Variants in CYFIP1 observed in about 807,000 individuals in gnomAD.
CYFIP1 encodes cytoplasmic FMR1 interacting protein 1.
CYFIP1 carries 58 observed loss-of-function variants against 163.5 expected under a neutral mutation model. That is an observed-to-expected ratio of 0.35 (90% CI 0.29 to 0.44). The LOEUF is 0.44. Ranked by LOEUF, CYFIP1 falls within the 20% of genes least tolerant of loss-of-function variation. CYFIP1 has a pLI of 1.00. For synonymous variants in CYFIP1, 663 were observed against 660.7 expected (o/e 1.00, Z -0.05); for missense variants, 1,338 against 1,653.8 (o/e 0.81, Z 3.31).
Position 22,914,813 on chromosome 15 carries a change from C to T in CYFIP1, c.1898G>A (p.Gly633Asp). The T allele has an allele frequency of 6.2e-7, 1 of 1,613,876 alleles. No homozygotes were observed. The highest frequency in any genetic ancestry group is 8.5e-7 in the Non-Finnish European group (1 of 1,179,876). Residue 633 changes from glycine (G) to aspartate (D), a missense_variant, in exon 17 of 31, where the codon GGC becomes GAC. Gly to Asp is a moderately conservative substitution (Grantham distance 94). This residue lies in a region of CYFIP1 where 824 missense variants were observed against 995.7 expected (regional missense o/e 0.83). Coordinates refer to ENST00000617928, the MANE Select transcript of CYFIP1 (RefSeq NM_014608.6). Reference sequence around the variant, plus strand: ...CTCAATGGGGAACTGGATCCTCCTGCCCATGGTCAGCTCCAGGAAGAACTC... The same window carrying T: ...CTCAATGGGGAACTGGATCCTCCTGTCCATGGTCAGCTCCAGGAAGAACTC... Reference protein sequence around the residue: ...FREFFLELTMGRRIQFPIEMS... With the variant: ...FREFFLELTMDRRIQFPIEMS...
intron 8 of CYFIP1, among the ~76,000 whole-genome samples, chr15:22,938,877 T>C (rs1158149337): frequency 2.9e-5 from 4 of 139,602 alleles, no homozygotes; most frequent in Non-Finnish European, 4.5e-5. Context: ...CACTCCAGCC[T>C]GGGCAAGAGC....
chr15:22,874,235 C>A (rs1009781852), intron 28 of CYFIP1, among the ~76,000 whole-genome samples: 4 of 152,202 alleles, frequency 2.6e-5, no homozygotes, highest in African/African-American at 9.6e-5. Flanking sequence ...TGCCTCCTGG[C>A]CTAATTTCTT....
chr15:22,911,653 TC>T lies in CYFIP1; in HGVS notation c.2082+525del, dbSNP rs61187822. ...AGGGCCAAGAAGGGCGTCTCTGCCC[TC>T]CTCCCATCCTGCAGGGCCGGGGACC... On this transcript the variant is annotated intron_variant, in intron 18 of 30. Coordinates refer to ENST00000617928, the MANE Select transcript of CYFIP1 (RefSeq NM_014608.6). 6.9e-3 allele frequency among the ~76,000 whole-genome samples: 1,051 copies of T among 152,284 alleles called. 17 individuals carry two copies. The highest frequency in any genetic ancestry group is 0.025 in the African/African-American group (1,025 of 41,538).
chr15:22,880,096 A>G, intron 25 of CYFIP1, 53 bp from the exon 26 acceptor site: 1 of 1,608,328 alleles, frequency 6.2e-7, no homozygotes, highest in African/African-American at 1.3e-5. Flanking sequence ...GCCGGGCCCT[A>G]GCAGCCTGGG....
intron 21 of CYFIP1, among the ~76,000 whole-genome samples, chr15:22,907,046 C>A (rs569644819): frequency 6.6e-6 from 1 of 152,280 alleles, no homozygotes; most frequent in East Asian, 1.9e-4. Flanking sequence ...CTGAGACCTG[C>A]CTCTCATGCT....
At chr15:22,873,163 T>G (rs2059484750) in intron 29 of CYFIP1, among the ~76,000 whole-genome samples, 191 bp from the exon 30 acceptor site, 1 of 152,174 alleles carries the variant, frequency 6.6e-6, no homozygotes, top group Non-Finnish European at 1.5e-5. Flanking sequence ...AATAACTTTT[T>G]TGGGCTCTTC....
At chr15:22,942,596 C>G (rs1423918782) in intron 6 of CYFIP1, among the ~76,000 whole-genome samples, 1 of 152,230 alleles carries the variant, frequency 6.6e-6, no homozygotes, top group Non-Finnish European at 1.5e-5. Context: ...GTCTTGCCAG[C>G]CTCTCCAGAG....
At position 22,910,591 on chromosome 15, in the gene CYFIP1, T is replaced by C. The variant is rs2060752634; in HGVS notation, c.2197A>G (p.Asn733Asp). ...LDKRLRSECKNQGATIHLPPS... is the reference protein window; with the variant it reads ...LDKRLRSECKDQGATIHLPPS... ...GGGAGGTGGATCGTGGCTCCCTGAT[T>C]CTTGCATTCTGATCGTAACCGTTTA... The change falls in exon 20 of 31, where the codon AAT becomes GAT. Residue 733 changes from asparagine to aspartate, a missense_variant. Physicochemically the swap from Asn to Asp is conservative, Grantham distance 23 (BLOSUM62 1). Around this residue, in one of 4 missense-constraint regions of CYFIP1, gnomAD observed 824 missense variants for 995.7 expected, o/e 0.83. Transcript: ENST00000617928. 6.2e-7 allele frequency: 1 copy of C among 1,614,082 alleles called. No homozygotes were observed. Among genetic ancestry groups the C allele is most frequent in the Non-Finnish European group, 8.5e-7 (1 of 1,180,024 alleles).
chr15:22,913,605 T>TA (rs33967385), intron 17 of CYFIP1, among the ~76,000 whole-genome samples: 4,033 of 66,916 alleles, frequency 0.06, 212 homozygotes, highest in Admixed American at 0.069. Context: ...TAGACAGCAT[T>TA]AAAAAAAAAA....
intron 12 of CYFIP1, 27 bp from the exon 13 acceptor site, chr15:22,926,134 T>C (rs774456143): frequency 1.2e-6 from 2 of 1,612,996 alleles, no homozygotes; most frequent in East Asian, 2.2e-5. Context: ...AGCAGAGGTG[T>C]TCCATATTGC....
At chr15:22,975,986 G>A (rs1051750955) in intron 1 of CYFIP1, among the ~76,000 whole-genome samples, 48 of 152,028 alleles carry the variant, frequency 3.2e-4, no homozygotes, top group African/African-American at 1.1e-3. Context: ...GAGAACTGAT[G>A]TCTTTACTAT....
intron 22 of CYFIP1, among the ~76,000 whole-genome samples, chr15:22,900,872 A>G (rs17841095): frequency 0.088 from 13,337 of 152,040 alleles, 671 homozygotes; most frequent in East Asian, 0.17. Context: ...TACCACGTAC[A>G]GCAGAATTCC....
chr15:22,900,261 G>A (rs1043464031), intron 22 of CYFIP1, among the ~76,000 whole-genome samples: 3 of 152,122 alleles, frequency 2.0e-5, no homozygotes, highest in African/African-American at 4.8e-5. Flanking sequence ...TGATGCCACT[G>A]CAAGCCAAGA....
intron 1 of CYFIP1, among the ~76,000 whole-genome samples, chr15:22,979,154 T>G (rs1048060508): frequency 6.6e-6 from 1 of 152,046 alleles, no homozygotes; most frequent in Non-Finnish European, 1.5e-5. Flanking sequence ...GCCCTACGAG[T>G]GCACACCTGC....
chr15:22,870,653 A>G (rs374039037), intron 30 of CYFIP1, among the ~76,000 whole-genome samples: 14 of 152,230 alleles, frequency 9.2e-5, no homozygotes, highest in Admixed American at 5.2e-4. Context: ...AAGGATGAAT[A>G]TATTTTGAAT....
At chr15:22,939,752 G>A (rs1314760331) in intron 6 of CYFIP1, among the ~76,000 whole-genome samples, 1 of 152,048 alleles carries the variant, frequency 6.6e-6, no homozygotes, top group Non-Finnish European at 1.5e-5. Flanking sequence ...TCTCCACCCG[G>A]CTGGTCACAG....
At chr15:22,875,359 T>A in intron 26 of CYFIP1, 88 bp from the exon 27 acceptor site, 1 of 1,106,914 alleles carries the variant, frequency 9.0e-7, no homozygotes, top group Non-Finnish European at 1.4e-6. Context: ...TCTTTGCCTT[T>A]TAGCATAAAA....
rs187089733 is a variant in CYFIP1 at position 22,917,221 on chromosome 15, G to C, written c.1674+567C>G. ...GTGCATTGCTGGTGACTTTCCAGAA[G>C]AGTGGCAGAAGAGATTAAAAGCCTC... On this transcript the variant is annotated intron_variant, in intron 15 of 30. Transcript: ENST00000617928. This position sits in a 1 kb window ranked among gnomAD's most constrained non-coding sequence, Gnocchi z 4.2. 3 of 1,416,092 alleles carry C rather than the reference G, an allele frequency of 2.1e-6. No individual in the cohort carries two copies. In the African/African-American group the frequency reaches 4.3e-5, roughly 20 times the overall value. The allele number at this position is 1,416,092 out of a possible 1,614,324, so 87.7% of individuals were successfully genotyped here. A position where few individuals can be genotyped will look rare whatever the true frequency, so the allele number is the denominator to read the frequency against.
chr15:22,978,000 CTA>C (rs1293837577), intron 1 of CYFIP1, among the ~76,000 whole-genome samples: 6 of 151,990 alleles, frequency 3.9e-5, no homozygotes, highest in African/African-American at 1.4e-4. Context: ...CAGTAAATAA[CTA>C]TAATGTCAAT....
Sources: gnomAD v4.1 joint callset for allele counts (sites outside exome capture counted in the v4.1 genomes callset) on GRCh38, gnomAD v4.1.1 for gene constraint, gnomAD v4.1.1 regional missense constraint, Gnocchi (gnomAD v3.1) non-coding constraint, MANE v1.5 for transcripts, NCBI Gene and HGNC (gene_info 2026-07-23, HGNC 2026-07-21) for gene names.